The following HHIPL2 variants were observed in gnomAD, a reference collection of about 807,000 sequenced individuals.
HHIPL2 encodes the protein HHIP like 2, also known as HHIP-like protein 2.
HHIPL2 carries 61 observed loss-of-function variants against 61.0 expected under a neutral mutation model. The ratio of observed to expected loss-of-function variants is 1.00; its 90% CI spans 0.81 to 1.24. The LOEUF is 1.24. Ranked by LOEUF, HHIPL2 falls within the 50% of genes most tolerant of loss-of-function variation. The pLI is 0.00. For synonymous variants in HHIPL2, 343 were observed against 357.4 expected (o/e 0.96, Z 0.45); for missense variants, 885 against 910.2 (o/e 0.97, Z 0.36).
chr1:222,526,882 G>C (rs372892269), intron 7 of HHIPL2, 87 bp downstream of exon 7: 6 of 1,050,166 alleles, frequency 5.7e-6, no homozygotes, highest in Non-Finnish European at 8.5e-6. Context: ...AGTTTGCTTC[G>C]GGACAATGAG....
rs201354279 is a variant in HHIPL2 at position 222,540,122 on chromosome 1, G to A, written c.1338C>T (p.Gly446=). ...GGTCAACCTCTTCAAACCTGTTCTG[G>A]CCCACGTCCCCACAGAATATCCGGC... ...GRGRIFCGDV[G]QNRFEEVDLI... Residue 446 remains glycine (G), a synonymous_variant, in exon 4 of 9, where the codon GGC becomes GGT. Transcript: ENST00000343410. The A allele has an allele frequency of 3.1e-6, 5 of 1,614,184 alleles. No individual in the cohort carries two copies. The Admixed American group carries it at 8.3e-5, about 27-fold the overall frequency.
At chr1:222,533,268 G>C (rs1278831153) in intron 5 of HHIPL2, among the ~76,000 whole-genome samples, 3 of 151,900 alleles carry the variant, frequency 2.0e-5, no homozygotes, top group Non-Finnish European at 2.9e-5. Context: ...GGGAGGCTGA[G>C]GCATGAGAAT....
Position 222,532,130 on chromosome 1 carries a change from C to T in HHIPL2, c.1578-19G>A, listed in dbSNP as rs1246441693. The T allele has an allele frequency of 6.2e-7, 1 of 1,604,270 alleles. No individual in the cohort carries two copies. The highest frequency in any genetic ancestry group is 8.5e-7 in the Non-Finnish European group (1 of 1,175,246). On this transcript the variant is annotated intron_variant, in intron 5 of 8. Transcript: ENST00000343410. The stretch of plus-strand genomic sequence containing the variant: ...AAGTCGACTAGACAAAAAATAAACC[C>T]TTATGTTTAGGAATCCATATATCCA...
chr1:222,546,921 C>G (rs1394257230), intron 1 of HHIPL2, among the ~76,000 whole-genome samples: 2 of 152,178 alleles, frequency 1.3e-5, no homozygotes, highest in African/African-American at 2.4e-5. Flanking sequence ...AAAAGGCTGC[C>G]TGGACTTCTT....
intron 5 of HHIPL2, among the ~76,000 whole-genome samples, chr1:222,538,413 G>A (rs896202963): frequency 8.1e-6 from 1 of 123,580 alleles, no homozygotes; most frequent in African/African-American, 3.3e-5. Context: ...CCCCTGGTAT[G>A]AGAGAGAGAC....
intron 5 of HHIPL2, 122 bp downstream of exon 5, chr1:222,538,526 A>G: frequency 1.1e-6 from 1 of 890,670 alleles, no homozygotes; most frequent in South Asian, 1.7e-5. Context: ...ATATGAGTGC[A>G]TACATTTGTA....
At chr1:222,525,711 C>T (rs903889218) in intron 7 of HHIPL2, among the ~76,000 whole-genome samples, 1 of 152,130 alleles carries the variant, frequency 6.6e-6, no homozygotes, top group African/African-American at 2.4e-5. Flanking sequence ...ATCTAGAGCA[C>T]TGGGGCAGGG....
Position 222,531,867 on chromosome 1 carries a change from T to C in HHIPL2, c.1723+99A>G, listed in dbSNP as rs369966556. On this transcript the variant is annotated intron_variant, in intron 6 of 8. Coordinates refer to ENST00000343410, the MANE Select transcript of HHIPL2 (RefSeq NM_024746.4). The stretch of plus-strand genomic sequence containing the variant: ...GATGACTAAACGATAGTGATCATAG[T>C]AGAAGTGATAATTACTATTTAAAAT... 8.4e-6 allele frequency: 9 copies of C among 1,076,780 alleles called. No individual in the cohort carries two copies. In the African/African-American group the frequency reaches 1.1e-4, roughly 13 times the overall value. 66.7% of individuals were successfully genotyped at this position (1,076,780 alleles called of 1,614,324 possible). A position where few individuals can be genotyped will look rare whatever the true frequency, so the allele number is the denominator to read the frequency against.
At chr1:222,536,682 A>G (rs1659308083) in intron 5 of HHIPL2, among the ~76,000 whole-genome samples, 1 of 152,190 alleles carries the variant, frequency 6.6e-6, no homozygotes, top group South Asian at 2.1e-4. Context: ...AAGAAAAACT[A>G]TAGTTCACTA....
chr1:222,532,164 A>C, intron 5 of HHIPL2, 53 bp from the exon 6 acceptor site: 1 of 1,515,524 alleles, frequency 6.6e-7, no homozygotes, highest in Admixed American at 1.9e-5. Context: ...CACTCTGCAG[A>C]ATACTTTTTC....
chr1:222,540,886 G>A (rs185640666), intron 3 of HHIPL2, among the ~76,000 whole-genome samples: 4 of 152,290 alleles, frequency 2.6e-5, no homozygotes, highest in East Asian at 1.9e-4. Context: ...GAAATTTCAC[G>A]CTCAAGTAAA....
chr1:222,528,108 T>C (rs187563646), intron 6 of HHIPL2, among the ~76,000 whole-genome samples: 1 of 152,312 alleles, frequency 6.6e-6, no homozygotes, highest in East Asian at 1.9e-4. Flanking sequence ...CATTGCTTTC[T>C]AGTTATTTGT....
Position 222,542,058 on chromosome 1 carries a change from C to T in HHIPL2, c.1072G>A (p.Gly358Arg), listed in dbSNP as rs753015872. The T allele has an allele frequency of 4.3e-6, 7 of 1,613,812 alleles. No individual in the cohort carries two copies. In the East Asian group the frequency reaches 1.1e-4, roughly 26 times the overall value. Residue 358 changes from glycine (G) to arginine (R), a missense_variant, in exon 3 of 9, where the codon GGA becomes AGA. Transcript: ENST00000343410. ...AGGCCAAAGGGATCTCCAGCCTGTC[C>T]CCCGTCCCCAGTGAATATGTACATA... is the stretch of plus-strand genomic sequence containing the variant. ...GYMYIFTGDG[G>R]QAGDPFGLFG...
intron 7 of HHIPL2, among the ~76,000 whole-genome samples, chr1:222,524,532 C>T (rs950753579): frequency 2.0e-5 from 3 of 152,236 alleles, no homozygotes; most frequent in African/African-American, 7.2e-5. Flanking sequence ...TTATTATACT[C>T]ATTTTACAGA....
intron 4 of HHIPL2, among the ~76,000 whole-genome samples, chr1:222,539,311 C>G (rs544302358): frequency 5.3e-5 from 8 of 152,018 alleles, no homozygotes; most frequent in South Asian, 2.1e-4. Flanking sequence ...GCAGGCGGAT[C>G]ACGAGGTCAG....
At chr1:222,528,309 A>G (rs1659112093) in intron 6 of HHIPL2, among the ~76,000 whole-genome samples, 1 of 152,184 alleles carries the variant, frequency 6.6e-6, no homozygotes, top group South Asian at 2.1e-4. Context: ...TTCAATTAGA[A>G]AGTGTTAGAT....
chr1:222,539,699 A>G (rs1269859179), intron 4 of HHIPL2, among the ~76,000 whole-genome samples: 2 of 152,308 alleles, frequency 1.3e-5, no homozygotes, highest in South Asian at 2.1e-4. Context: ...AATATGCCTA[A>G]AATTAATGTG....
intron 6 of HHIPL2, among the ~76,000 whole-genome samples, chr1:222,527,825 T>C (rs1373590183): frequency 1.3e-5 from 2 of 152,196 alleles, no homozygotes; most frequent in African/African-American, 4.8e-5. Flanking sequence ...AAATCCCTTT[T>C]TCTTGGCTCT....
rs749369402 is a variant in HHIPL2 at position 222,543,930 on chromosome 1, A to G, written c.581T>C (p.Leu194Pro). 3 of 1,614,226 alleles carry G rather than the reference A, an allele frequency of 1.9e-6. No individual in the cohort carries two copies. The highest frequency in any genetic ancestry group is 2.5e-6 in the Non-Finnish European group (3 of 1,180,038). ...VLRNDYLNRHLGMVAQDPQGC... is the reference protein window; with the variant it reads ...VLRNDYLNRHPGMVAQDPQGC... ...CTGAGGATCTTGGGCCACCATGCCC[A>G]GGTGGCGGTTGAGATAGTCGTTCCT... The change falls in exon 2 of 9, where the codon CTG (leucine) becomes CCG (proline). Residue 194 changes from leucine (L) to proline (P), a missense_variant. Physicochemically the swap from Leu to Pro is moderately conservative, Grantham distance 98. Transcript: ENST00000343410.
Sources: allele counts gnomAD v4.1 joint callset (sites outside exome capture counted in the v4.1 genomes callset), GRCh38; gene constraint gnomAD v4.1.1; transcripts MANE v1.5; gene names NCBI Gene and HGNC (gene_info 2026-07-23, HGNC 2026-07-21).